PIP5K1A: variants seen among roughly 807,000 people sequenced by gnomAD.
PIP5K1A encodes phosphatidylinositol-4-phosphate 5-kinase type 1 alpha, also known as phosphatidylinositol 4-phosphate 5-kinase type-1 alpha.
A neutral mutation model predicts 72.9 loss-of-function variants in PIP5K1A; 46 were observed. The ratio of observed to expected loss-of-function variants is 0.63; its 90% CI spans 0.50 to 0.81. PIP5K1A has a LOEUF of 0.81. PIP5K1A is among the 30% of genes least tolerant of loss of function. The pLI is 0.00. For synonymous variants in PIP5K1A, 228 were observed against 255.1 expected (o/e 0.89, Z 1.01); for missense variants, 458 against 706.1 (o/e 0.65, Z 3.98).
At chr1:151,230,226 A>T (rs1192502044) in intron 4 of PIP5K1A, among the ~76,000 whole-genome samples, 1 of 152,262 alleles carries the variant, frequency 6.6e-6, no homozygotes, top group Non-Finnish European at 1.5e-5. Flanking sequence ...AGTGATTGAA[A>T]TGTGCTGTAT....
At chr1:151,211,541 A>G (rs187987893) in intron 1 of PIP5K1A, among the ~76,000 whole-genome samples, 1 of 152,208 alleles carries the variant, frequency 6.6e-6, no homozygotes, top group African/African-American at 2.4e-5. Flanking sequence ...TCATGCCTGT[A>G]ATCCCAGCAC....
chr1:151,207,213 A>G (rs768666018), intron 1 of PIP5K1A, among the ~76,000 whole-genome samples: 4 of 152,176 alleles, frequency 2.6e-5, no homozygotes, highest in Non-Finnish European at 5.9e-5. Context: ...TTGCTGTTTC[A>G]AGATAGAACC....
chr1:151,207,100 C>A (rs1189765461), intron 1 of PIP5K1A, among the ~76,000 whole-genome samples: 1 of 152,094 alleles, frequency 6.6e-6, no homozygotes, highest in Non-Finnish European at 1.5e-5. Flanking sequence ...GAACTCCTGA[C>A]CTCAAGTGAT....
Position 151,227,352 on chromosome 1 carries a change from A to G in PIP5K1A, c.189A>G (p.Lys63=). Residue 63 remains lysine (K), a synonymous_variant, in exon 4 of 16, where the codon AAA becomes AAG. Coordinates refer to ENST00000368888, the MANE Select transcript of PIP5K1A (RefSeq NM_001135638.2). ...ATGCCTCTGGCATGCCCATCAAGAAAATAGGCCATAGAAGTGTTGATTCCT... is the reference window on the plus strand; with the variant it reads ...ATGCCTCTGGCATGCCCATCAAGAAGATAGGCCATAGAAGTGTTGATTCCT... The part of the protein sequence containing the change: ...VPYASGMPIK[K]IGHRSVDSSG... 1 of 1,613,110 alleles carries G rather than the reference A, an allele frequency of 6.2e-7. No individual in the cohort carries two copies. The highest frequency in any genetic ancestry group is 1.3e-5 in the African/African-American group (1 of 75,040).
chr1:151,197,280 G>GATTGT (rs1684643830), upstream of PIP5K1A, among the ~76,000 whole-genome samples: 1 of 151,076 alleles, frequency 6.6e-6, no homozygotes, highest in Non-Finnish European at 1.5e-5. Context: ...TTTTTTGTTT[G>GATTGT]TTTGTTTTGT....
chr1:151,214,730 C>T (rs1404379621), intron 1 of PIP5K1A, among the ~76,000 whole-genome samples: 2 of 151,810 alleles, frequency 1.3e-5, no homozygotes, highest in Non-Finnish European at 2.9e-5. Context: ...GGAAGAGCCT[C>T]AAACAAAATC....
intron 15 of PIP5K1A, 30 bp downstream of exon 15, chr1:151,246,995 C>A (rs367748865): frequency 1.9e-6 from 3 of 1,588,852 alleles, no homozygotes; most frequent in Admixed American, 3.3e-5. Context: ...GGGAGGTGAA[C>A]GTTTTGCAAG....
At chr1:151,204,265 C>G (rs990080286) in intron 1 of PIP5K1A, among the ~76,000 whole-genome samples, 1 of 152,272 alleles carries the variant, frequency 6.6e-6, no homozygotes, top group East Asian at 1.9e-4. Flanking sequence ...TAACCTCTGC[C>G]TCTGGGGTTT....
At chr1:151,214,831 C>T (rs1279678652) in intron 1 of PIP5K1A, among the ~76,000 whole-genome samples, 1 of 152,148 alleles carries the variant, frequency 6.6e-6, no homozygotes, top group African/African-American at 2.4e-5. Flanking sequence ...ATCCTCCCAC[C>T]TCAGCCTTCT....
chr1:151,240,255 A>G (rs772459757), intron 12 of PIP5K1A: 34 of 540,940 alleles, frequency 6.3e-5, no homozygotes, highest in Non-Finnish European at 1.0e-4. Flanking sequence ...GCATATGTCA[A>G]TGAGGTGAGG....
At chr1:151,198,036 G>A (rs908181098), upstream of PIP5K1A, 8 of 470,438 alleles carry the variant, frequency 1.7e-5, no homozygotes, top group African/African-American at 1.4e-4. Context: ...AATATTTACT[G>A]AACTCCGTCA....
At position 151,220,819 on chromosome 1, in the gene PIP5K1A, C is replaced by T. The variant is rs146455199; in HGVS notation, c.86-3426C>T. Reference sequence around the variant, plus strand: ...TGCCAATCTTGCATCTATACTTCTCCATTTTTCTACCTCTACCTCCCTGGA... The same window carrying T: ...TGCCAATCTTGCATCTATACTTCTCTATTTTTCTACCTCTACCTCCCTGGA... On this transcript the variant is annotated intron_variant, in intron 1 of 15. Transcript: ENST00000368888. 4.5e-3 allele frequency among the ~76,000 whole-genome samples: 686 copies of T among 152,298 alleles called. 6 individuals are homozygous for T. Among genetic ancestry groups the T allele is most frequent in the African/African-American group, 0.016 (651 of 41,558 alleles).
intron 14 of PIP5K1A, among the ~76,000 whole-genome samples, chr1:151,243,037 T>TA (rs1464085392): frequency 6.6e-6 from 1 of 152,206 alleles, no homozygotes; most frequent in Non-Finnish European, 1.5e-5. Context: ...CATGGCCTCT[T>TA]ATAACTTAAT....
rs768212377 is a variant in PIP5K1A at position 151,247,843 on chromosome 1, T to A, written c.1687-20T>A. ...TAATCTCATACTCCACATCCTTAAC[T>A]TTACACTCTCCCTTTTCAGTAAGCG... On this transcript the variant is annotated intron_variant, in intron 15 of 15. Transcript: ENST00000368888. The A allele has an allele frequency of 1.2e-6, 2 of 1,602,436 alleles. No homozygotes were observed. The highest frequency in any genetic ancestry group is 1.7e-4 in the Middle Eastern group (1 of 6,016).
intron 14 of PIP5K1A, among the ~76,000 whole-genome samples, chr1:151,245,354 C>G (rs1692343908): frequency 6.6e-6 from 1 of 152,156 alleles, no homozygotes; most frequent in African/African-American, 2.4e-5. Flanking sequence ...ATTTTTCTCA[C>G]TTTAAGCCCT....
intron 14 of PIP5K1A, among the ~76,000 whole-genome samples, chr1:151,245,776 T>G (rs587746799): frequency 3.3e-5 from 5 of 152,252 alleles, no homozygotes; most frequent in African/African-American, 9.6e-5. Flanking sequence ...CTTCAGATGA[T>G]CTGCCTGCCT....
At position 151,208,983 on chromosome 1, in the gene PIP5K1A, C is replaced by T. The variant is rs184998291; in HGVS notation, c.85+9902C>T. On this transcript the variant is annotated intron_variant, in intron 1 of 15. Coordinates refer to ENST00000368888, the MANE Select transcript of PIP5K1A (RefSeq NM_001135638.2). ...TTCTGACCTGGTGATCTGCCTGCCT[C>T]GGCCTCCCAAGGTGCTGGGATTACA... Among the ~76,000 whole-genome samples, 435 of 151,054 alleles carry T rather than the reference C, an allele frequency of 2.9e-3. 4 individuals are homozygous for T. The highest frequency in any genetic ancestry group is 1.0e-2 in the African/African-American group (411 of 41,180).
chr1:151,207,918 G>T (rs1436591819), intron 1 of PIP5K1A, among the ~76,000 whole-genome samples: 4 of 150,190 alleles, frequency 2.7e-5, no homozygotes, highest in South Asian at 2.1e-4. Flanking sequence ...AGTCTGGAGT[G>T]CAGTGGTGCG....
chr1:151,205,822 A>C (rs1320432988), intron 1 of PIP5K1A, among the ~76,000 whole-genome samples: 1 of 152,062 alleles, frequency 6.6e-6, no homozygotes, highest in East Asian at 1.9e-4. Flanking sequence ...GGAACAAGAA[A>C]ACTTATCAGT....
Sources: gnomAD v4.1 joint callset for allele counts (sites outside exome capture counted in the v4.1 genomes callset) on GRCh38, gnomAD v4.1.1 for gene constraint, MANE v1.5 for transcripts, NCBI Gene and HGNC (gene_info 2026-07-23, HGNC 2026-07-21) for gene names.